Variants in COASY observed in about 807,000 individuals in gnomAD.
The protein encoded by COASY is bifunctional coenzyme A synthase.
In COASY, 31 loss-of-function variants were observed where a neutral mutation model predicts 49.4. The ratio of observed to expected loss-of-function variants is 0.63; its 90% CI spans 0.47 to 0.85. The LOEUF (loss-of-function observed/expected upper bound fraction) is 0.85. Among genes scored for constraint, COASY ranks in the 40% least tolerant of loss-of-function variants. COASY has a pLI of 0.00. For missense variants in COASY, 730 were observed against 734.1 expected, an observed-to-expected ratio of 0.99 and a Z score of 0.06; for synonymous variants, 285 against 310.9, an observed-to-expected ratio of 0.92 and a Z score of 0.88.
intron 2 of COASY, 113 bp downstream of exon 2, chr17:42,564,288 G>A: frequency 6.9e-7 from 1 of 1,450,350 alleles, no homozygotes; most frequent in Non-Finnish European, 9.6e-7. Flanking sequence ...GGCTCAGGGT[G>A]GTGGGAAGAA....
chr17:42,562,776 C>G lies in COASY; in HGVS notation c.154C>G (p.Gln52Glu), dbSNP rs757811719. ...QPGMSLEGPA[Q>E]PQSSPVQATF... is the part of the protein sequence containing the mutation. ...GGGCATGAGCCTGGAGGGCCCGGCT[C>G]AGCCCCAGTCCAGCCCCGTGCAGGC... is the stretch of plus-strand genomic sequence containing the variant. The change falls in exon 1 of 9, where the codon CAG (glutamine) becomes GAG (glutamate). Residue 52 changes from glutamine to glutamate, a missense_variant. By Grantham distance (29) the Gln-to-Glu change is conservative (BLOSUM62 2). Coordinates refer to ENST00000393818, the MANE Select transcript of COASY (RefSeq NM_025233.7). 6.2e-7 allele frequency: 1 copy of G among 1,602,262 alleles called. No homozygotes were observed. The highest frequency in any genetic ancestry group is 8.5e-7 in the Non-Finnish European group (1 of 1,171,660).
chr17:42,564,671 G>A, intron 3 of COASY, 38 bp from the exon 4 acceptor site: 1 of 1,530,484 alleles, frequency 6.5e-7, no homozygotes. Flanking sequence ...GAGGCTGAGG[G>A]CCCCAGTAAC....
In COASY at chr17:42,565,519, G is replaced by A. The variant is rs555759624; in HGVS notation, c.1436G>A (p.Trp479Ter). The A allele has an allele frequency of 6.2e-7, 1 of 1,614,184 alleles. No individual in the cohort carries two copies. Among genetic ancestry groups the A allele is most frequent in the South Asian group, 1.1e-5 (1 of 91,086 alleles). ...GCCGCTGTGTTGCTTGAAGCCGGCT[G>A]GCAGAACCTGGTCCATGAGGTGTGG... ...IDAAVLLEAG[W>*]QNLVHEVWTA... The change falls in exon 7 of 9, where the codon TGG (tryptophan) becomes TAG (stop). Residue 479 changes from tryptophan to a stop codon, truncating the protein, a stop_gained. Transcript: ENST00000393818. LOFTEE classifies it high-confidence loss of function.
intron 8 of COASY, 21 bp from the exon 9 acceptor site, chr17:42,565,885 A>G (rs2093002165): frequency 3.7e-6 from 6 of 1,613,836 alleles, no homozygotes; most frequent in Non-Finnish European, 5.1e-6. Context: ...TCTTCCTCCC[A>G]ACATCCTGGC....
chr17:42,562,214 G>A lies in COASY; in HGVS notation c.-409G>A. The stretch of plus-strand genomic sequence containing the variant: ...GTGCAAGTGGAACCCAAGCCTTGAG[G>A]TTTCAGTGAGTAGGGGGCCGACGTG... On this transcript the variant is annotated 5_prime_UTR_variant, in exon 1 of 9. Coordinates refer to ENST00000393818, the MANE Select transcript of COASY (RefSeq NM_025233.7). 2 of 503,084 alleles carry A rather than the reference G, an allele frequency of 4.0e-6. No individual in the cohort carries two copies. Among genetic ancestry groups the A allele is most frequent in the East Asian group, 3.3e-5 (1 of 29,924 alleles). The allele number at this position is 503,084 out of a possible 1,614,324, so 31.2% of individuals were successfully genotyped here.
Position 42,564,589 on chromosome 17 carries a change from T to C in COASY, c.1047+12T>C, listed in dbSNP as rs1249277225. The C allele has an allele frequency of 5.6e-6, 9 of 1,599,704 alleles. No individual in the cohort carries two copies. The East Asian group carries it at 2.0e-4, about 36-fold the overall frequency. ...TTCGGCCTCCATATGTAAGCTCCTC[T>C]CCCTCCTTCCCTCCTGCTTGGTGTC... On this transcript the variant is annotated intron_variant, in intron 3 of 8. Transcript: ENST00000393818.
chr17:42,564,582 G>A lies in COASY; in HGVS notation c.1047+5G>A. The A allele has an allele frequency of 6.2e-7, 1 of 1,608,700 alleles. No individual in the cohort carries two copies. Among genetic ancestry groups the A allele is most frequent in the South Asian group, 1.1e-5 (1 of 90,436 alleles). Reference sequence around the variant, plus strand: ...AACCTGCTTCGGCCTCCATATGTAAGCTCCTCTCCCTCCTTCCCTCCTGCT... The same window carrying A: ...AACCTGCTTCGGCCTCCATATGTAAACTCCTCTCCCTCCTTCCCTCCTGCT... On this transcript the variant is annotated splice_donor_5th_base_variant and intron_variant, in intron 3 of 8. Coordinates refer to ENST00000393818, the MANE Select transcript of COASY (RefSeq NM_025233.7).
At chr17:42,565,385 A>T (rs1364559158) in intron 6 of COASY, 74 bp downstream of exon 6, 2 of 1,607,478 alleles carry the variant, frequency 1.2e-6, no homozygotes, top group Non-Finnish European at 1.7e-6. Context: ...TTCCCTGCCC[A>T]ACGTGGGACT....
At position 42,565,398 on chromosome 17, in the gene COASY, C is replaced by T. The variant is rs1343167631; in HGVS notation, c.1388-73C>T. ...GCTTCCCTGCCCAACGTGGGACTGT[C>T]TGTTCACCCTGGGACTGTGTTCTGC... On this transcript the variant is annotated intron_variant, in intron 6 of 8. Coordinates refer to ENST00000393818, the MANE Select transcript of COASY (RefSeq NM_025233.7). The T allele has an allele frequency of 3.1e-6, 5 of 1,605,804 alleles. No homozygotes were observed. In the East Asian group the frequency reaches 1.1e-4, roughly 36 times the overall value.
In COASY at chr17:42,562,231, G is replaced by C; in HGVS notation, c.-392G>C. ...GCCTTGAGGTTTCAGTGAGTAGGGG[G>C]CCGACGTGAGCTTTAGCGTCCCCCT... On this transcript the variant is annotated 5_prime_UTR_variant, in exon 1 of 9. Coordinates refer to ENST00000393818, the MANE Select transcript of COASY (RefSeq NM_025233.7). The C allele has an allele frequency of 1.8e-6, 1 of 560,056 alleles. No homozygotes were observed. Among genetic ancestry groups the C allele is most frequent in the East Asian group, 3.1e-5 (1 of 32,004 alleles). 34.7% of individuals were successfully genotyped at this position (560,056 alleles called of 1,614,324 possible).
rs762198022 is a variant in COASY, at chr17:42,565,647, G to T, written c.1486-12G>T. The stretch of plus-strand genomic sequence containing the variant: ...TGGAATTCTTCCTGACAAATGTCTC[G>T]TCTGTGCTCAGGCTGTAAGACGCAT... On this transcript the variant is annotated splice_polypyrimidine_tract_variant and intron_variant, in intron 7 of 8. Coordinates refer to ENST00000393818, the MANE Select transcript of COASY (RefSeq NM_025233.7). 6.2e-7 allele frequency: 1 copy of T among 1,614,064 alleles called. No homozygotes were observed. Among genetic ancestry groups the T allele is most frequent in the Admixed American group, 1.7e-5 (1 of 60,020 alleles).
rs761594654 is a variant in COASY, at chr17:42,563,980, G to C, written c.720G>C (p.Leu240=). The C allele has an allele frequency of 1.2e-6, 2 of 1,611,310 alleles. No homozygotes were observed. The highest frequency in any genetic ancestry group is 1.7e-6 in the Non-Finnish European group (2 of 1,178,162). Reference sequence around the variant, plus strand: ...CCCCAGGCAAGTTGCTCCCTGAGCTGCTCCAACCTTATACAGAACGTGTGG... The same window carrying C: ...CCCCAGGCAAGTTGCTCCCTGAGCTCCTCCAACCTTATACAGAACGTGTGG... The part of the protein sequence containing the change: ...DLLKSKLLPE[L]LQPYTERVEH... The change falls in exon 2 of 9, where the codon CTG becomes CTC. Residue 240 remains leucine (L), a synonymous_variant. Transcript: ENST00000393818.
At position 42,562,570 on chromosome 17, in the gene COASY, G is replaced by C; in HGVS notation, c.-53G>C. ...ATACAGGCCTCTGCCTCGGCCGCAG[G>C]CCCTTCAGTCACCGTCGCCTCGTCT... On this transcript the variant is annotated 5_prime_UTR_variant, in exon 1 of 9. Transcript: ENST00000393818. The C allele has an allele frequency of 6.4e-7, 1 of 1,564,012 alleles. No homozygotes were observed. The highest frequency in any genetic ancestry group is 2.3e-5 in the East Asian group (1 of 44,380).
chr17:42,562,233 C>T lies in COASY; in HGVS notation c.-390C>T, dbSNP rs571030856. On this transcript the variant is annotated 5_prime_UTR_variant, in exon 1 of 9. Transcript: ENST00000393818. ...CTTGAGGTTTCAGTGAGTAGGGGGC[C>T]GACGTGAGCTTTAGCGTCCCCCTTT... is the stretch of plus-strand genomic sequence containing the variant. The T allele has an allele frequency of 2.0e-5, 11 of 562,208 alleles. No homozygotes were observed. The highest frequency in any genetic ancestry group is 1.6e-4 in the South Asian group (7 of 44,358). The allele number at this position is 562,208 out of a possible 1,614,324, so 34.8% of individuals were successfully genotyped here.
Position 42,565,478 on chromosome 17 carries a change from T to C in COASY, c.1395T>C (p.Arg465=), listed in dbSNP as rs200715008. The C allele has an allele frequency of 9.3e-6, 15 of 1,612,706 alleles. No individual in the cohort carries two copies. Among genetic ancestry groups the C allele is most frequent in the East Asian group, 2.2e-5 (1 of 44,866 alleles). ...EMDRAVAEGK[R]VCVIDAAVLL... is the part of the protein sequence containing the mutation. ...ACTGGGGTCTCCCCACAGGAAAGCG[T>C]GTGTGTGTGATTGATGCCGCTGTGT... The change falls in exon 7 of 9, where the codon CGT becomes CGC. Residue 465 remains arginine (R), a synonymous_variant. Transcript: ENST00000393818.
chr17:42,564,392 G>A, intron 2 of COASY, 54 bp from the exon 3 acceptor site: 1 of 1,612,034 alleles, frequency 6.2e-7, no homozygotes, highest in Non-Finnish European at 8.5e-7. Flanking sequence ...TGGATGTCAG[G>A]GTCTTCCTCT....
chr17:42,563,932 C>A, intron 1 of COASY, 29 bp from the exon 2 acceptor site: 2 of 1,552,824 alleles, frequency 1.3e-6, no homozygotes, highest in Non-Finnish European at 1.8e-6. Context: ...ATAAAAAGAT[C>A]TCACTGTTCT....
At position 42,563,944 on chromosome 17, in the gene COASY, C is replaced by G. The variant is rs757436633; in HGVS notation, c.701-17C>G. The G allele has an allele frequency of 1.3e-6, 2 of 1,583,990 alleles. No homozygotes were observed. The highest frequency in any genetic ancestry group is 2.3e-5 in the South Asian group (2 of 87,888). On this transcript the variant is annotated splice_polypyrimidine_tract_variant and intron_variant, in intron 1 of 8. Transcript: ENST00000393818. ...CCAATAAAAAGATCTCACTGTTCTT[C>G]TGGGCTCCTTCCCCAGGCAAGTTGC...
At chr17:42,565,405 C>A in intron 6 of COASY, 66 bp from the exon 7 acceptor site, 1 of 1,608,320 alleles carries the variant, frequency 6.2e-7, no homozygotes, top group South Asian at 1.1e-5. Context: ...TGTCTGTTCA[C>A]CCTGGGACTG....
Sources: gnomAD v4.1 joint callset for allele counts on GRCh38, gnomAD v4.1.1 for gene constraint, MANE v1.5 for transcripts, NCBI Gene and HGNC (gene_info 2026-07-23, HGNC 2026-07-21) for gene names.